TYW1B: variants seen among roughly 807,000 people sequenced by gnomAD.
TYW1B encodes the protein S-adenosyl-L-methionine-dependent tRNA 4-demethylwyosine synthase TYW1B.
In TYW1B, 73 loss-of-function variants were observed where a neutral mutation model predicts 86.9. The ratio of observed to expected loss-of-function variants is 0.84; its 90% CI spans 0.70 to 1.02. The LOEUF (loss-of-function observed/expected upper bound fraction) is 1.02. TYW1B is among the 50% of genes least tolerant of loss of function. The probability of loss-of-function intolerance (pLI) is 0.00; values close to 1 mark genes in which losing one functional copy is unlikely to be tolerated. For missense variants in TYW1B, 637 were observed against 827.4 expected, an observed-to-expected ratio of 0.77 and a Z score of 2.82; for synonymous variants, 248 against 292.8, an observed-to-expected ratio of 0.85 and a Z score of 1.56.
Position 72,728,888 on chromosome 7 carries a change from C to A in TYW1B, c.1126G>T (p.Asp376Tyr), listed in dbSNP as rs541797116. 2.1e-5 allele frequency: 34 copies of A among 1,613,922 alleles called. No individual in the cohort carries two copies. The South Asian group carries it at 3.5e-4, about 17-fold the overall frequency. ...TCCTTCAAGATCATTTCAGGCTGGT[C>A]CATCTTCCACAACCATTCAGTGCCC... ...PVGTEWLWKM[D>Y]QPEMILKEAI... Residue 376 changes from aspartate to tyrosine, a missense_variant, in exon 9 of 14, where the codon GAC becomes TAC. Physicochemically the swap from Asp to Tyr is radical, Grantham distance 160. Transcript: ENST00000620995.
At chr7:72,712,125 C>T (rs1175708931) in intron 10 of TYW1B, among the ~76,000 whole-genome samples, 1 of 151,962 alleles carries the variant, frequency 6.6e-6, no homozygotes, top group African/African-American at 2.4e-5. Flanking sequence ...ATAAGGAGAG[C>T]CCTCCCTTAA....
chr7:72,816,096 G>T (rs1165718003), intron 2 of TYW1B, among the ~76,000 whole-genome samples: 1 of 152,056 alleles, frequency 6.6e-6, no homozygotes, highest in African/African-American at 2.4e-5. Context: ...TGAAGAATGG[G>T]CTGGGCACAG....
chr7:72,725,186 T>A (rs1364830528), intron 9 of TYW1B, among the ~76,000 whole-genome samples: 2 of 152,204 alleles, frequency 1.3e-5, no homozygotes, highest in African/African-American at 4.8e-5. Context: ...ATTCATTACA[T>A]ATTTCCATTT....
chr7:72,760,827 G>T lies in TYW1B; in HGVS notation c.965-16226C>A, dbSNP rs139732477. On this transcript the variant is annotated intron_variant, in intron 7 of 13. Transcript: ENST00000620995. ...TTAAGACATCAGGGTTTCACAACAAGGTTATAAAACTATAAACCCAGCCTA... is the reference window on the plus strand; with the variant it reads ...TTAAGACATCAGGGTTTCACAACAATGTTATAAAACTATAAACCCAGCCTA... Among the ~76,000 whole-genome samples the T allele has an allele frequency of 3.9e-5, 6 of 152,222 alleles. No individual in the cohort carries two copies. In the East Asian group the frequency reaches 1.2e-3, roughly 29 times the overall value.
At chr7:72,666,026 T>G (rs1554445196) in intron 11 of TYW1B, among the ~76,000 whole-genome samples, 1 of 152,208 alleles carries the variant, frequency 6.6e-6, no homozygotes, top group African/African-American at 2.4e-5. Flanking sequence ...AAACTACTTA[T>G]GTTACAAAGG....
chr7:72,659,591 G>C (rs1554444193), intron 11 of TYW1B, among the ~76,000 whole-genome samples: 1 of 151,918 alleles, frequency 6.6e-6, no homozygotes, highest in Non-Finnish European at 1.5e-5. Flanking sequence ...GAAAAGAAAA[G>C]AAAAAAACAA....
intron 10 of TYW1B, among the ~76,000 whole-genome samples, chr7:72,705,871 T>C (rs1554453565): frequency 2.0e-5 from 3 of 152,212 alleles, no homozygotes; most frequent in Non-Finnish European, 1.5e-5. Context: ...GATCTGCTTT[T>C]ACAAGGTGTC....
At chr7:72,675,562 CATAT>C (rs1263986003) in intron 11 of TYW1B, among the ~76,000 whole-genome samples, 1 of 102,500 alleles carries the variant, frequency 9.8e-6, no homozygotes, top group Non-Finnish European at 2.2e-5. Flanking sequence ...TATATACACA[CATAT>C]ATATATACAC....
intron 6 of TYW1B, among the ~76,000 whole-genome samples, chr7:72,778,655 T>C (rs1399436361): frequency 6.6e-6 from 1 of 152,188 alleles, no homozygotes; most frequent in Non-Finnish European, 1.5e-5. Context: ...TTTCCCCATG[T>C]TGGCCAGGCT....
In TYW1B at chr7:72,752,215, G is replaced by A. The variant is rs576743869; in HGVS notation, c.965-7614C>T. Among the ~76,000 whole-genome samples the A allele has an allele frequency of 7.9e-4, 120 of 152,276 alleles. 1 individual carries two copies. The highest frequency in any genetic ancestry group is 2.8e-3 in the African/African-American group (117 of 41,568). ...AGCAGGGATCGACAGCATTTCACAG[G>A]CCAGGCCACTTGAGGGGGCTGCAGG... On this transcript the variant is annotated intron_variant, in intron 7 of 13. Coordinates refer to ENST00000620995, the MANE Select transcript of TYW1B (RefSeq NM_001145440.3).
intron 9 of TYW1B, among the ~76,000 whole-genome samples, chr7:72,725,407 T>C (rs1585932572): frequency 1.3e-5 from 2 of 152,262 alleles, no homozygotes; most frequent in Middle Eastern, 3.4e-3. Flanking sequence ...CATCGTCCCA[T>C]TAGCTCCTTA....
At chr7:72,747,027 A>G (rs1409866596) in intron 7 of TYW1B, among the ~76,000 whole-genome samples, 2 of 151,878 alleles carry the variant, frequency 1.3e-5, no homozygotes, top group African/African-American at 4.8e-5. Context: ...TGGGTCTTTT[A>G]TTTTTTTCTG....
At chr7:72,643,997 T>C (rs1812865269) in intron 11 of TYW1B, among the ~76,000 whole-genome samples, 1 of 152,156 alleles carries the variant, frequency 6.6e-6, no homozygotes, top group African/African-American at 2.4e-5. Flanking sequence ...ATCTTTTAAA[T>C]AATAGTATAC....
intron 6 of TYW1B, among the ~76,000 whole-genome samples, chr7:72,786,820 C>T (rs1788138194): frequency 6.6e-6 from 1 of 152,140 alleles, no homozygotes; most frequent in African/African-American, 2.4e-5. Flanking sequence ...AGCGATCCAC[C>T]TGCCTAGGCT....
intron 7 of TYW1B, among the ~76,000 whole-genome samples, chr7:72,776,540 G>T (rs1384358188): frequency 2.5e-4 from 27 of 109,308 alleles, no homozygotes; most frequent in Admixed American, 8.1e-4. Context: ...CAGACTGGGT[G>T]AGAGAGACTC....
intron 6 of TYW1B, among the ~76,000 whole-genome samples, chr7:72,793,851 A>G (rs1166570581): frequency 5.9e-5 from 9 of 152,068 alleles, no homozygotes; most frequent in Non-Finnish European, 1.3e-4. Flanking sequence ...TCTCTAGAGA[A>G]TGTTGGTAAG....
chr7:72,738,194 C>T (rs1274680066), intron 8 of TYW1B, among the ~76,000 whole-genome samples: 6 of 151,584 alleles, frequency 4.0e-5, no homozygotes, highest in African/African-American at 1.2e-4. Context: ...AGTTCTTCTG[C>T]CTCAGCCTCC....
chr7:72,631,915 G>GT (rs1812501481), intron 11 of TYW1B, among the ~76,000 whole-genome samples: 1 of 152,082 alleles, frequency 6.6e-6, no homozygotes, highest in Non-Finnish European at 1.5e-5. Flanking sequence ...TGGCAGCAGC[G>GT]TATCATACCA....
chr7:72,735,711 A>G (rs1262636754), intron 8 of TYW1B, among the ~76,000 whole-genome samples: 3 of 151,864 alleles, frequency 2.0e-5, no homozygotes, highest in African/African-American at 7.3e-5. Flanking sequence ...CTCTACTAAA[A>G]ATACAAAAAT....
Sources: gnomAD v4.1 joint callset for allele counts (sites outside exome capture counted in the v4.1 genomes callset) on GRCh38, gnomAD v4.1.1 for gene constraint, MANE v1.5 for transcripts, NCBI Gene and HGNC (gene_info 2026-07-23, HGNC 2026-07-21) for gene names.